OR5B12: variants seen among roughly 807,000 people sequenced by gnomAD.
OR5B12 encodes olfactory receptor 5B12.
For missense variants in OR5B12, 418 were observed against 377.0 expected, an observed-to-expected ratio of 1.11 and a Z score of -0.90; for synonymous variants, 154 against 138.0, an observed-to-expected ratio of 1.12 and a Z score of -0.81.
intron 1 of OR5B12, among the ~76,000 whole-genome samples, chr11:58,441,071 T>G (rs1020493206): frequency 6.6e-6 from 1 of 152,026 alleles, no homozygotes; most frequent in Non-Finnish European, 1.5e-5. Context: ...GTGTGATAGA[T>G]GTTAATCACA....
rs978442432 is a variant in OR5B12, at chr11:58,439,872, C to G, written c.280G>C (p.Ala94Pro). 1 of 1,614,026 alleles carries G rather than the reference C, an allele frequency of 6.2e-7. No individual in the cohort carries two copies. The highest frequency in any genetic ancestry group is 1.3e-5 in the African/African-American group (1 of 74,918). The change falls in exon 2 of 2, where the codon GCT (alanine) becomes CCT (proline). Residue 94 changes from alanine to proline, a missense_variant. Coordinates refer to ENST00000641921, the MANE Select transcript of OR5B12 (RefSeq NM_001004733.3). The part of the protein sequence containing the change: ...LTGDKFILYN[A>P]CATQFFFFVA... ...AAGAAGAAGAATTGTGTGGCACAAG[C>G]ATTATATAATATGAATTTGTCTCCT... is the stretch of plus-strand genomic sequence containing the variant.
Position 58,439,485 on chromosome 11 carries a change from T to C in OR5B12, c.667A>G (p.Ile223Val), listed in dbSNP as rs149439770. ...LISYLFIFIT[I>V]MKMRSPEGRQ... The stretch of plus-strand genomic sequence containing the variant: ...CCTTCAGGTGAGCGCATCTTCATGA[T>C]GGTGATAAATATAAATAAGTAGGAG... Residue 223 changes from isoleucine (I) to valine (V), a missense_variant, in exon 2 of 2, where the codon ATC becomes GTC. By Grantham distance (29) the Ile-to-Val change is conservative. Coordinates refer to ENST00000641921, the MANE Select transcript of OR5B12 (RefSeq NM_001004733.3). 31 of 1,613,970 alleles carry C rather than the reference T, an allele frequency of 1.9e-5. No individual in the cohort carries two copies. Among genetic ancestry groups the C allele is most frequent in the Non-Finnish European group, 2.5e-5 (29 of 1,180,016 alleles).
In OR5B12 at chr11:58,439,689, A is replaced by C; in HGVS notation, c.463T>G (p.Ser155Ala). 6.2e-7 allele frequency: 1 copy of C among 1,614,112 alleles called. No individual in the cohort carries two copies. Among genetic ancestry groups the C allele is most frequent in the Non-Finnish European group, 8.5e-7 (1 of 1,179,974 alleles). The part of the protein sequence containing the change: ...GSYICGFLNA[S>A]IHTGNTFRLS... ...CTGAAAGTGTTCCCAGTATGAATGG[A>C]TGCATTCAGGAAACCACAGATGTAG... The change falls in exon 2 of 2, where the codon TCC becomes GCC. Residue 155 changes from serine (S) to alanine (A), a missense_variant. By Grantham distance (99) the Ser-to-Ala change is moderately conservative. Transcript: ENST00000641921.
At chr11:58,440,249 CT>C in intron 1 of OR5B12, 79 bp from the exon 2 acceptor site, 2 of 900,492 alleles carry the variant, frequency 2.2e-6, no homozygotes, top group Non-Finnish European at 3.4e-6. Context: ...CATTTTTTTG[CT>C]TTATTCCAGT....
intron 1 of OR5B12, among the ~76,000 whole-genome samples, chr11:58,441,661 G>A (rs1855502409): frequency 6.6e-6 from 1 of 152,070 alleles, no homozygotes; most frequent in African/African-American, 2.4e-5. Context: ...ACATAAGTAT[G>A]TAGCACATAC....
chr11:58,439,481 A>C lies in OR5B12; in HGVS notation c.671T>G (p.Met224Arg). The C allele has an allele frequency of 6.2e-7, 1 of 1,614,162 alleles. No individual in the cohort carries two copies. ...ISYLFIFITI[M>R]KMRSPEGRQK... ...GCGTCCTTCAGGTGAGCGCATCTTC[A>C]TGATGGTGATAAATATAAATAAGTA... is the stretch of plus-strand genomic sequence containing the variant. Residue 224 changes from methionine to arginine, a missense_variant, in exon 2 of 2, where the codon ATG becomes AGG. Physicochemically the swap from Met to Arg is moderately conservative, Grantham distance 91 (BLOSUM62 -1). Transcript: ENST00000641921.
chr11:58,439,839 A>C lies in OR5B12; in HGVS notation c.313T>G (p.Phe105Val), dbSNP rs774272492. Residue 105 changes from phenylalanine (F) to valine (V), a missense_variant, in exon 2 of 2, where the codon TTT becomes GTT. Physicochemically the swap from Phe to Val is conservative, Grantham distance 50. Coordinates refer to ENST00000641921, the MANE Select transcript of OR5B12 (RefSeq NM_001004733.3). ...CATQFFFFVA[F>V]ITAESFLLAS... ...AGGAGGAAACTTTCTGCAGTGATAA[A>C]GGCTACAAAGAAGAAGAATTGTGTG... 1 of 1,614,214 alleles carries C rather than the reference A, an allele frequency of 6.2e-7. No individual in the cohort carries two copies. The highest frequency in any genetic ancestry group is 1.1e-5 in the South Asian group (1 of 91,084).
intron 1 of OR5B12, among the ~76,000 whole-genome samples, chr11:58,440,605 A>T (rs1029716224): frequency 1.3e-5 from 2 of 152,230 alleles, no homozygotes; most frequent in African/African-American, 4.8e-5. Flanking sequence ...TGCCTGATGG[A>T]GTAATTAAAT....
intron 1 of OR5B12, among the ~76,000 whole-genome samples, chr11:58,441,045 T>C (rs182867774): frequency 1.3e-5 from 2 of 151,526 alleles, no homozygotes; most frequent in South Asian, 2.1e-4. Context: ...AAGTGTTTTC[T>C]TATTTGCTCA....
In OR5B12 at chr11:58,439,472, C is replaced by A. The variant is rs139365126; in HGVS notation, c.680G>T (p.Arg227Leu). The change falls in exon 2 of 2, where the codon CGC (arginine) becomes CTC (leucine). Residue 227 changes from arginine to leucine, a missense_variant. Transcript: ENST00000641921. ...LFIFITIMKMRSPEGRQKAFS... is the reference protein window; with the variant it reads ...LFIFITIMKMLSPEGRQKAFS... ...GGCCTTCTGGCGTCCTTCAGGTGAG[C>A]GCATCTTCATGATGGTGATAAATAT... 1 of 1,613,906 alleles carries A rather than the reference C, an allele frequency of 6.2e-7. No homozygotes were observed. The highest frequency in any genetic ancestry group is 8.5e-7 in the Non-Finnish European group (1 of 1,179,954).
At chr11:58,440,294 TA>T in intron 1 of OR5B12, 124 bp from the exon 2 acceptor site, 1 of 559,556 alleles carries the variant, frequency 1.8e-6, no homozygotes, top group Non-Finnish European at 3.1e-6. Flanking sequence ...GTCCCGGATC[TA>T]AAACATGCCC....
chr11:58,440,209 AGGGAG>A, intron 1 of OR5B12, 39 bp from the exon 2 acceptor site: 1 of 1,240,192 alleles, frequency 8.1e-7, no homozygotes, highest in Non-Finnish European at 1.1e-6. Flanking sequence ...TGATAAATGG[AGGGAG>A]GACTACTGAG....
intron 1 of OR5B12, among the ~76,000 whole-genome samples, chr11:58,441,230 T>C (rs545692712): frequency 2.6e-5 from 4 of 152,330 alleles, no homozygotes; most frequent in African/African-American, 9.6e-5. Flanking sequence ...TGCACATCTC[T>C]ATTTCAGTGC....
Position 58,439,823 on chromosome 11 carries a change from C to T in OR5B12, c.329G>A (p.Ser110Asn), listed in dbSNP as rs530654758. The change falls in exon 2 of 2, where the codon AGT becomes AAT. Residue 110 changes from serine (S) to asparagine (N), a missense_variant. Ser to Asn is a conservative substitution (Grantham distance 46). Coordinates refer to ENST00000641921, the MANE Select transcript of OR5B12 (RefSeq NM_001004733.3). The stretch of plus-strand genomic sequence containing the variant: ...ATAGGCCATTGATGCCAGGAGGAAA[C>T]TTTCTGCAGTGATAAAGGCTACAAA... ...FFFVAFITAESFLLASMAYDR... is the reference protein window; with the variant it reads ...FFFVAFITAENFLLASMAYDR... The T allele has an allele frequency of 7.4e-6, 12 of 1,614,042 alleles. No individual in the cohort carries two copies. The highest frequency in any genetic ancestry group is 9.3e-6 in the Non-Finnish European group (11 of 1,180,038).
chr11:58,439,489 G>C lies in OR5B12; in HGVS notation c.663C>G (p.Ile221Met). 6.2e-7 allele frequency: 1 copy of C among 1,614,040 alleles called. No individual in the cohort carries two copies. The highest frequency in any genetic ancestry group is 8.5e-7 in the Non-Finnish European group (1 of 1,180,004). Reference protein sequence around the residue: ...VILISYLFIFITIMKMRSPEG... With the variant: ...VILISYLFIFMTIMKMRSPEG... ...CAGGTGAGCGCATCTTCATGATGGT[G>C]ATAAATATAAATAAGTAGGAGATCA... is the stretch of plus-strand genomic sequence containing the variant. Residue 221 changes from isoleucine (I) to methionine (M), a missense_variant, in exon 2 of 2, where the codon ATC becomes ATG. Coordinates refer to ENST00000641921, the MANE Select transcript of OR5B12 (RefSeq NM_001004733.3).
In OR5B12 at chr11:58,440,008, T is replaced by A; in HGVS notation, c.144A>T (p.Leu48=). The A allele has an allele frequency of 3.1e-6, 5 of 1,614,084 alleles. No homozygotes were observed. The highest frequency in any genetic ancestry group is 4.2e-6 in the Non-Finnish European group (5 of 1,180,014). ...TGGGGGTGTGGAGACAGGAGTCCAG[T>A]AGAATCAATTCAATCATCCCCAGGT... ...VGNLGMIELI[L]LDSCLHTPMY... The change falls in exon 2 of 2, where the codon CTA becomes CTT. Residue 48 remains leucine (L), a synonymous_variant. Transcript: ENST00000641921.
chr11:58,440,271 C>T lies in OR5B12; in HGVS notation c.-19-101G>A. ...TTGCTTTATTCCAGTATTGTAATTACTTGTTTCCAGGAGTCCCGGATCTAA... is the reference window on the plus strand; with the variant it reads ...TTGCTTTATTCCAGTATTGTAATTATTTGTTTCCAGGAGTCCCGGATCTAA... On this transcript the variant is annotated intron_variant, in intron 1 of 1. Coordinates refer to ENST00000641921, the MANE Select transcript of OR5B12 (RefSeq NM_001004733.3). The T allele has an allele frequency of 4.5e-6, 3 of 669,818 alleles. No homozygotes were observed. The South Asian group carries it at 7.5e-5, about 17-fold the overall frequency. 41.5% of individuals were successfully genotyped at this position (669,818 alleles called of 1,614,324 possible). A position where few individuals can be genotyped will look rare whatever the true frequency, so the allele number is the denominator to read the frequency against.
rs1855507377 is a variant in OR5B12 at position 58,442,095 on chromosome 11, G to A, written c.-69C>T. ...TCAGGTCCAGCACTTTCATATATAA[G>A]TGAATGTCACATCAGAAATTAAGTC... On this transcript the variant is annotated 5_prime_UTR_variant, in exon 1 of 2. Coordinates refer to ENST00000641921, the MANE Select transcript of OR5B12 (RefSeq NM_001004733.3). 1 of 152,208 alleles carries A rather than the reference G, an allele frequency of 6.6e-6. No individual in the cohort carries two copies. Among genetic ancestry groups the A allele is most frequent in the Non-Finnish European group, 1.5e-5 (1 of 68,022 alleles). 9.4% of individuals were successfully genotyped at this position (152,208 alleles called of 1,614,324 possible).
At position 58,439,899 on chromosome 11, in the gene OR5B12, T is replaced by C; in HGVS notation, c.253A>G (p.Thr85Ala). Reference protein sequence around the residue: ...VTPKVMVGFLTGDKFILYNAC... With the variant: ...VTPKVMVGFLAGDKFILYNAC... The stretch of plus-strand genomic sequence containing the variant: ...TTATATAATATGAATTTGTCTCCTG[T>C]GAGAAACCCCACCATCACCTTGGGA... The change falls in exon 2 of 2, where the codon ACA (threonine) becomes GCA (alanine). Residue 85 changes from threonine (T) to alanine (A), a missense_variant. Thr to Ala is a moderately conservative substitution (Grantham distance 58, BLOSUM62 0). Transcript: ENST00000641921. The C allele has an allele frequency of 6.2e-7, 1 of 1,614,110 alleles. No individual in the cohort carries two copies. Among genetic ancestry groups the C allele is most frequent in the Non-Finnish European group, 8.5e-7 (1 of 1,180,022 alleles).
Sources: allele counts gnomAD v4.1 joint callset (sites outside exome capture counted in the v4.1 genomes callset), GRCh38; gene constraint gnomAD v4.1.1; transcripts MANE v1.5; gene names NCBI Gene and HGNC (gene_info 2026-07-23, HGNC 2026-07-21).